MAPT: variants seen among roughly 807,000 people sequenced by gnomAD.
MAPT encodes the protein microtubule associated protein tau, also known as microtubule-associated protein tau.
A neutral mutation model predicts 67.9 loss-of-function variants in MAPT; 34 were observed. The ratio of observed to expected loss-of-function variants is 0.50; its 90% CI spans 0.38 to 0.67. The LOEUF is 0.67. MAPT is among the 30% of genes least tolerant of loss of function. The pLI, the probability that MAPT is intolerant of heterozygous loss-of-function variation, is 0.00. For missense variants in MAPT, 881 were observed against 1,115.2 expected (o/e 0.79, Z 2.99); for synonymous variants, 456 against 464.5 (o/e 0.98, Z 0.23).
At chr17:45,992,522 T>A (rs1246115278) in intron 8 of MAPT, among the ~76,000 whole-genome samples, 1 of 152,116 alleles carries the variant, frequency 6.6e-6, no homozygotes, top group African/African-American at 2.4e-5. Context: ...TGGGCTCCTG[T>A]GAGTAAAACC....
chr17:45,968,161 C>G (rs2071275303), intron 2 of MAPT, among the ~76,000 whole-genome samples: 1 of 151,790 alleles, frequency 6.6e-6, no homozygotes, highest in Non-Finnish European at 1.5e-5. Context: ...AGTGAACTGA[C>G]AATGATCTTT....
chr17:45,971,955 C>T lies in MAPT; in HGVS notation c.220+10C>T. ...ACTCCAACAGCGGAAGGTGGGCCCC[C>T]CTTCAGACGCCCCCTCCATGCCTCC... On this transcript the variant is annotated intron_variant, in intron 3 of 12. Coordinates refer to ENST00000262410, the MANE Select transcript of MAPT (RefSeq NM_001377265.1). The surrounding 1 kb of genome is among the most constrained non-coding windows in gnomAD (Gnocchi z 4.3). 1 of 1,609,038 alleles carries T rather than the reference C, an allele frequency of 6.2e-7. No homozygotes were observed. Among genetic ancestry groups the T allele is most frequent in the Non-Finnish European group, 8.5e-7 (1 of 1,175,490 alleles).
At chr17:45,905,704 G>A (rs896661606) in intron 1 of MAPT, among the ~76,000 whole-genome samples, 2 of 152,106 alleles carry the variant, frequency 1.3e-5, no homozygotes, top group African/African-American at 4.8e-5. Flanking sequence ...GAGATTTTTG[G>A]CCAAGATTAA....
At chr17:45,981,528 G>A (rs2072947722) in intron 4 of MAPT, among the ~76,000 whole-genome samples, 1 of 152,154 alleles carries the variant, frequency 6.6e-6, no homozygotes, top group Non-Finnish European at 1.5e-5. Context: ...CTCCCACGGG[G>A]GCCTACCTCA....
intron 8 of MAPT, among the ~76,000 whole-genome samples, chr17:45,994,453 G>A (rs1407382479): frequency 6.6e-6 from 1 of 152,170 alleles, no homozygotes; most frequent in East Asian, 1.9e-4. Context: ...GGCCCCATCT[G>A]TTGTTTCCTT....
intron 9 of MAPT, among the ~76,000 whole-genome samples, chr17:46,006,221 A>AT (rs1415762594): frequency 1.3e-5 from 2 of 152,236 alleles, no homozygotes; most frequent in African/African-American, 2.4e-5. Context: ...GATAAAGAAA[A>AT]TGTGGTGCAT....
At chr17:46,020,718 G>A (rs2076478544) in intron 12 of MAPT, among the ~76,000 whole-genome samples, 2 of 152,064 alleles carry the variant, frequency 1.3e-5, no homozygotes, top group African/African-American at 2.4e-5. Flanking sequence ...ATCAGATCTC[G>A]GGAGACTTAT....
chr17:45,946,613 AAAATATAT>A (rs1241431137), intron 1 of MAPT, among the ~76,000 whole-genome samples: 3 of 97,838 alleles, frequency 3.1e-5, no homozygotes, highest in East Asian at 4.2e-4. Flanking sequence ...AAAAAAAAAA[AAAATATAT>A]ATATATATAT....
chr17:45,955,264 T>G (rs1315929766), intron 1 of MAPT, among the ~76,000 whole-genome samples: 4 of 152,226 alleles, frequency 2.6e-5, no homozygotes, highest in Non-Finnish European at 5.9e-5. Context: ...TACGAGCTTT[T>G]AATCCCTCTC....
chr17:45,920,783 C>A (rs906066657), intron 1 of MAPT, among the ~76,000 whole-genome samples: 1 of 151,972 alleles, frequency 6.6e-6, no homozygotes, highest in African/African-American at 2.4e-5. Flanking sequence ...GAGTGGGGCA[C>A]CCCTGCAGGA....
At position 45,990,499 on chromosome 17, in the gene MAPT, G is replaced by A. The variant is rs116164687; in HGVS notation, c.1605+424G>A. The A allele has an allele frequency of 1.5e-3, 696 of 450,842 alleles. 4 individuals carry two copies. Among genetic ancestry groups the A allele is most frequent in the African/African-American group, 0.013 (648 of 49,872 alleles). 27.9% of individuals were successfully genotyped at this position (450,842 alleles called of 1,614,324 possible). A position where few individuals can be genotyped will look rare whatever the true frequency, so the allele number is the denominator to read the frequency against. ...CGTGGTGGTATGCGTGGTGGTAATC[G>A]CAGCTACTCGGGAGGCTGAGGCACA... is the stretch of plus-strand genomic sequence containing the variant. On this transcript the variant is annotated intron_variant, in intron 7 of 12. Transcript: ENST00000262410.
intron 1 of MAPT, among the ~76,000 whole-genome samples, chr17:45,948,933 T>C (rs1359407885): frequency 6.6e-6 from 1 of 152,260 alleles, no homozygotes; most frequent in African/African-American, 2.4e-5. Context: ...TTTTGGATTC[T>C]AGGTTTATCT....
chr17:45,962,784 G>A (rs1598170806), intron 2 of MAPT, among the ~76,000 whole-genome samples: 1 of 152,236 alleles, frequency 6.6e-6, no homozygotes, highest in East Asian at 1.9e-4. Context: ...AATTAGCCAG[G>A]TGTTGTGGTG....
intron 1 of MAPT, among the ~76,000 whole-genome samples, chr17:45,960,423 C>T (rs1388896854): frequency 1.3e-5 from 2 of 152,044 alleles, no homozygotes; most frequent in Non-Finnish European, 2.9e-5. Flanking sequence ...ATTTATTCCT[C>T]AGCCAGATGG....
intron 1 of MAPT, among the ~76,000 whole-genome samples, chr17:45,947,685 G>A (rs1034636429): frequency 1.3e-5 from 2 of 151,996 alleles, no homozygotes; most frequent in Admixed American, 6.6e-5. Flanking sequence ...ACCGCGCCTG[G>A]CCTTGCTGTT....
At chr17:45,920,488 G>A (rs192316311) in intron 1 of MAPT, among the ~76,000 whole-genome samples, 1 of 152,322 alleles carries the variant, frequency 6.6e-6, no homozygotes, top group Admixed American at 6.5e-5. Flanking sequence ...CTTCTCCTCA[G>A]CCTTGACCCT....
intron 1 of MAPT, among the ~76,000 whole-genome samples, chr17:45,926,677 A>G (rs1348341962): frequency 6.6e-6 from 1 of 152,174 alleles, no homozygotes; most frequent in African/African-American, 2.4e-5. Context: ...ATATGGACTT[A>G]TAATAGTATC....
At chr17:45,998,887 A>G (rs1165188451) in intron 9 of MAPT, among the ~76,000 whole-genome samples, 1 of 151,134 alleles carries the variant, frequency 6.6e-6, no homozygotes, top group Admixed American at 6.6e-5. Context: ...CCAAGACCCC[A>G]GAGGGGCCCT....
chr17:46,004,164 G>A (rs2075245746), intron 9 of MAPT, among the ~76,000 whole-genome samples: 1 of 152,204 alleles, frequency 6.6e-6, no homozygotes, highest in Admixed American at 6.5e-5. Context: ...GGCCAAGTCT[G>A]GGCCAGCCTG....
Sources: allele counts gnomAD v4.1 joint callset (sites outside exome capture counted in the v4.1 genomes callset), GRCh38; gene constraint gnomAD v4.1.1; non-coding constraint Gnocchi (gnomAD v3.1); transcripts MANE v1.5; gene names NCBI Gene and HGNC (gene_info 2026-07-23, HGNC 2026-07-21).